Variants in NPHP1 observed in about 807,000 individuals in gnomAD.
The protein encoded by NPHP1 is nephrocystin 1.
NPHP1 carries 70 observed loss-of-function variants against 90.4 expected under a neutral mutation model. That is an observed-to-expected ratio of 0.77 (90% CI 0.64 to 0.95). NPHP1 has a LOEUF of 0.95. NPHP1 is among the 40% of genes least tolerant of loss of function. The pLI, the probability that NPHP1 is intolerant of heterozygous loss-of-function variation, is 0.00. For missense variants in NPHP1, 764 were observed against 795.9 expected, an observed-to-expected ratio of 0.96 and a Z score of 0.48; for synonymous variants, 256 against 271.7, an observed-to-expected ratio of 0.94 and a Z score of 0.57.
At chr2:110,157,179 T>C (rs1022416795) in intron 11 of NPHP1, among the ~76,000 whole-genome samples, 1 of 152,076 alleles carries the variant, frequency 6.6e-6, no homozygotes, top group Non-Finnish European at 1.5e-5. Context: ...TAACTCTCAA[T>C]TTGGAAATCT....
At chr2:110,160,046 G>T in intron 11 of NPHP1, 81 bp downstream of exon 11, 2 of 1,436,588 alleles carry the variant, frequency 1.4e-6, no homozygotes, top group Non-Finnish European at 2.0e-6. Flanking sequence ...GGGAATTGGG[G>T]AGGAGTTGAA....
intron 2 of NPHP1, among the ~76,000 whole-genome samples, chr2:110,200,361 C>T (rs982954502): frequency 2.0e-5 from 3 of 152,058 alleles, no homozygotes; most frequent in Non-Finnish European, 4.4e-5. Context: ...GTCAGGAGTT[C>T]GAAACCAGCC....
intron 2 of NPHP1, among the ~76,000 whole-genome samples, chr2:110,183,701 T>G (rs923860119): frequency 6.6e-6 from 1 of 152,084 alleles, no homozygotes; most frequent in Non-Finnish European, 1.5e-5. Flanking sequence ...CATACAATAA[T>G]AGTGGGAGAC....
At chr2:110,201,577 A>C (rs1559111804) in intron 1 of NPHP1, 83 bp from the exon 2 acceptor site, 4 of 956,376 alleles carry the variant, frequency 4.2e-6, no homozygotes, top group Non-Finnish European at 6.4e-6. Flanking sequence ...CCAATATTTT[A>C]TAATGAACAC....
intron 11 of NPHP1, among the ~76,000 whole-genome samples, chr2:110,157,056 T>C (rs1197055548): frequency 6.6e-6 from 1 of 152,070 alleles, no homozygotes; most frequent in African/African-American, 2.4e-5. Flanking sequence ...ATTACAGGCG[T>C]GAGCCACTGC....
intron 2 of NPHP1, among the ~76,000 whole-genome samples, chr2:110,193,863 C>CT (rs1467213647): frequency 3.3e-5 from 5 of 152,110 alleles, no homozygotes; most frequent in Admixed American, 3.3e-4. Context: ...TCACTCAAAA[C>CT]CACTAAACCA....
At chr2:110,132,391 A>T (rs1679852487) in intron 16 of NPHP1, among the ~76,000 whole-genome samples, 1 of 152,200 alleles carries the variant, frequency 6.6e-6, no homozygotes, top group Non-Finnish European at 1.5e-5. Context: ...ATGGTGGCTC[A>T]CACCTGTAAT....
At chr2:110,174,958 A>G (rs984649398) in intron 4 of NPHP1, among the ~76,000 whole-genome samples, 2 of 152,098 alleles carry the variant, frequency 1.3e-5, no homozygotes, top group African/African-American at 4.8e-5. Flanking sequence ...TTGTTCATGC[A>G]TGAGTGATAG....
In NPHP1 at chr2:110,202,346, T is replaced by C. The variant is rs1574218947; in HGVS notation, c.70-852A>G. ...CTACTCTTGCAATTTGGCATCCATC[T>C]GAGTGTTATTTACAAAATTCACACA... On this transcript the variant is annotated intron_variant, in intron 1 of 19. Transcript: ENST00000445609. 3 of 407,094 alleles carry C rather than the reference T, an allele frequency of 7.4e-6. No homozygotes were observed. The East Asian group carries it at 2.2e-4, about 29-fold the overall frequency. 25.2% of individuals were successfully genotyped at this position (407,094 alleles called of 1,614,324 possible). A position where few individuals can be genotyped will look rare whatever the true frequency, so the allele number is the denominator to read the frequency against.
At chr2:110,186,417 T>C (rs985720818) in intron 2 of NPHP1, among the ~76,000 whole-genome samples, 3 of 152,150 alleles carry the variant, frequency 2.0e-5, no homozygotes, top group Non-Finnish European at 2.9e-5. Context: ...TTGGCTGATC[T>C]TGGGCCACTC....
chr2:110,169,147 G>A (rs1454507454), intron 5 of NPHP1, among the ~76,000 whole-genome samples: 1 of 151,324 alleles, frequency 6.6e-6, no homozygotes, highest in African/African-American at 2.4e-5. Flanking sequence ...ATACATTATT[G>A]TCTAATATTG....
intron 4 of NPHP1, among the ~76,000 whole-genome samples, chr2:110,174,564 G>A (rs1683374240): frequency 6.6e-6 from 1 of 152,118 alleles, no homozygotes; most frequent in Non-Finnish European, 1.5e-5. Context: ...GTCAGTCCTT[G>A]TAACATGCAG....
At chr2:110,161,574 A>T (rs367999321) in intron 10 of NPHP1, 29 bp downstream of exon 10, 3 of 1,399,218 alleles carry the variant, frequency 2.1e-6, no homozygotes, top group African/African-American at 2.8e-5. Flanking sequence ...TGGAAGAGTT[A>T]CACTTTTACT....
chr2:110,130,789 C>A (rs1261041206), intron 17 of NPHP1, among the ~76,000 whole-genome samples: 1 of 152,176 alleles, frequency 6.6e-6, no homozygotes, highest in Non-Finnish European at 1.5e-5. Context: ...TCTAATTCCT[C>A]TCTCACATCT....
chr2:110,187,172 C>T (rs2104650145), intron 2 of NPHP1, among the ~76,000 whole-genome samples: 1 of 152,028 alleles, frequency 6.6e-6, no homozygotes, highest in South Asian at 2.1e-4. Context: ...TAACCAAGAT[C>T]AGAGCTGAAC....
intron 11 of NPHP1, among the ~76,000 whole-genome samples, chr2:110,153,033 G>A (rs1482160984): frequency 6.6e-6 from 1 of 152,016 alleles, no homozygotes; most frequent in African/African-American, 2.4e-5. Context: ...TCTGAAAACT[G>A]AAACACAACG....
intron 8 of NPHP1, chr2:110,163,375 G>C: frequency 1.9e-6 from 1 of 514,514 alleles, no homozygotes; most frequent in East Asian, 3.4e-5. Context: ...TTCCGGAGCA[G>C]CTGCTTCAAG....
chr2:110,123,719 A>G lies in NPHP1; in HGVS notation c.*72T>C, dbSNP rs1679137581. 2.0e-6 allele frequency: 3 copies of G among 1,521,026 alleles called. No individual in the cohort carries two copies. In the South Asian group the frequency reaches 3.4e-5, roughly 17 times the overall value. The allele number at this position is 1,521,026 out of a possible 1,614,324, so 94.2% of individuals were successfully genotyped here. A position where few individuals can be genotyped will look rare whatever the true frequency, so the allele number is the denominator to read the frequency against. ...TAAAGTGACAGTGATTTTTGGTTCC[A>G]TCATTTTATTCACGTAATCGTGGAG... On this transcript the variant is annotated 3_prime_UTR_variant, in exon 20 of 20. Transcript: ENST00000445609.
intron 15 of NPHP1, 93 bp downstream of exon 15, chr2:110,144,400 A>C: frequency 1.2e-6 from 1 of 803,024 alleles, no homozygotes; most frequent in South Asian, 1.5e-5. Context: ...AATTCAAGTA[A>C]AAAACGCTAT....
Sources: allele counts gnomAD v4.1 joint callset (sites outside exome capture counted in the v4.1 genomes callset), GRCh38; gene constraint gnomAD v4.1.1; transcripts MANE v1.5; gene names NCBI Gene and HGNC (gene_info 2026-07-23, HGNC 2026-07-21).